RNF175: variants seen among roughly 807,000 people sequenced by gnomAD.
RNF175 encodes ring finger protein 175.
RNF175 carries 38 observed loss-of-function variants against 50.0 expected under a neutral mutation model. The observed-to-expected ratio is 0.76, with a 90% CI of 0.59 to 1.00. RNF175 has a LOEUF of 1.00. Among genes scored for constraint, RNF175 ranks in the 50% least tolerant of loss-of-function variants. RNF175 has a pLI of 0.00. For missense variants in RNF175, 388 were observed against 409.6 expected (o/e 0.95, Z 0.46); for synonymous variants, 155 against 146.1 (o/e 1.06, Z -0.44).
At chr4:153,722,408 A>G (rs1200873649) in intron 5 of RNF175, among the ~76,000 whole-genome samples, 1 of 152,164 alleles carries the variant, frequency 6.6e-6, no homozygotes, top group East Asian at 1.9e-4. Context: ...AACAATAGAT[A>G]TTGACATGTT....
chr4:153,735,348 G>A (rs553153555), intron 3 of RNF175, among the ~76,000 whole-genome samples: 1 of 151,966 alleles, frequency 6.6e-6, no homozygotes, highest in Non-Finnish European at 1.5e-5. Flanking sequence ...TTTGTTTGGG[G>A]GTCTATTTGT....
intron 7 of RNF175, chr4:153,715,276 T>C (rs946133300): frequency 2.5e-5 from 13 of 515,244 alleles, no homozygotes; most frequent in African/African-American, 3.8e-5. Flanking sequence ...GCTCAGATAC[T>C]GCCTTCCTGT....
chr4:153,735,832 T>C (rs1204471216), intron 3 of RNF175, among the ~76,000 whole-genome samples: 1 of 152,252 alleles, frequency 6.6e-6, no homozygotes, highest in Non-Finnish European at 1.5e-5. Context: ...CTTTTGTATA[T>C]TTACTTTGTA....
intron 3 of RNF175, among the ~76,000 whole-genome samples, chr4:153,733,714 ACCT>A: frequency 6.6e-6 from 1 of 152,134 alleles, no homozygotes; most frequent in South Asian, 2.1e-4. Flanking sequence ...GAATCCCCCA[ACCT>A]CCTAAATGAT....
intron 2 of RNF175, among the ~76,000 whole-genome samples, 200 bp from the exon 3 acceptor site, chr4:153,748,986 C>T (rs1740147679): frequency 6.6e-6 from 1 of 152,222 alleles, no homozygotes; most frequent in Non-Finnish European, 1.5e-5. Context: ...TTCCCTAGAT[C>T]TGGAGAAGGA....
At chr4:153,733,831 A>G (rs1739181745) in intron 3 of RNF175, among the ~76,000 whole-genome samples, 1 of 152,176 alleles carries the variant, frequency 6.6e-6, no homozygotes, top group Non-Finnish European at 1.5e-5. Flanking sequence ...ATATTACACA[A>G]ATTAATTTTA....
At position 153,748,539 on chromosome 4, in the gene RNF175, A is replaced by C; in HGVS notation, c.246+106T>G. The stretch of plus-strand genomic sequence containing the variant: ...GGTTGAGAACCACTGACTTAAACCA[A>C]GGCAGTTCCTTCAAAGTGCTAACCA... On this transcript the variant is annotated intron_variant, in intron 3 of 8. Transcript: ENST00000347063. The C allele has an allele frequency of 3.8e-6, 4 of 1,047,352 alleles. No homozygotes were observed. The South Asian group carries it at 8.1e-5, about 21-fold the overall frequency. 64.9% of individuals were successfully genotyped at this position (1,047,352 alleles called of 1,614,324 possible).
In RNF175 at chr4:153,710,166, G is replaced by C. The variant is rs1254075781; in HGVS notation, c.*203C>G. ...ATGAGTTAAGAAACAGCTGTAATGG[G>C]AAAGATGAAAAAACATGCTTTATTT... On this transcript the variant is annotated 3_prime_UTR_variant, in exon 9 of 9. Coordinates refer to ENST00000347063, the MANE Select transcript of RNF175 (RefSeq NM_173662.4). The C allele has an allele frequency of 1.1e-5, 5 of 457,712 alleles. No individual in the cohort carries two copies. Among genetic ancestry groups the C allele is most frequent in the Non-Finnish European group, 1.9e-5 (5 of 257,932 alleles). The allele number at this position is 457,712 out of a possible 1,614,324, so 28.4% of individuals were successfully genotyped here.
rs1413700556 is a variant in RNF175 at position 153,710,223 on chromosome 4, T to G, written c.*146A>C. 8.4e-6 allele frequency: 5 copies of G among 592,062 alleles called. No homozygotes were observed. The highest frequency in any genetic ancestry group is 1.4e-5 in the Non-Finnish European group (5 of 355,188). The allele number at this position is 592,062 out of a possible 1,614,324, so 36.7% of individuals were successfully genotyped here. On this transcript the variant is annotated 3_prime_UTR_variant, in exon 9 of 9. Coordinates refer to ENST00000347063, the MANE Select transcript of RNF175 (RefSeq NM_173662.4). Reference sequence around the variant, plus strand: ...TCCATTGTTCAGCTTCTCTTTAAATTCTTTCCACATGGACAAATTGCTTGA... The same window carrying G: ...TCCATTGTTCAGCTTCTCTTTAAATGCTTTCCACATGGACAAATTGCTTGA...
chr4:153,758,928 C>T (rs1353757260), intron 1 of RNF175, among the ~76,000 whole-genome samples: 1 of 152,196 alleles, frequency 6.6e-6, no homozygotes, highest in East Asian at 1.9e-4. Context: ...CAGGAGCAAG[C>T]CCTTCTCAGA....
At chr4:153,722,126 G>GAGCT (rs1455070714) in intron 5 of RNF175, among the ~76,000 whole-genome samples, 4 of 152,164 alleles carry the variant, frequency 2.6e-5, no homozygotes, top group African/African-American at 9.7e-5. Context: ...TTTGATGTGA[G>GAGCT]AGCTATTCTG....
intron 1 of RNF175, among the ~76,000 whole-genome samples, chr4:153,756,308 C>G (rs1281808841): frequency 6.6e-6 from 1 of 152,228 alleles, no homozygotes; most frequent in Non-Finnish European, 1.5e-5. Flanking sequence ...TTCTGAATGC[C>G]TCCTACATAG....
chr4:153,726,239 G>C (rs1294775193), intron 4 of RNF175, among the ~76,000 whole-genome samples: 1 of 152,034 alleles, frequency 6.6e-6, no homozygotes, highest in Non-Finnish European at 1.5e-5. Context: ...CGAGTAGCTG[G>C]GATTACAAGC....
At chr4:153,759,527 G>C (rs1328230601) in intron 1 of RNF175, among the ~76,000 whole-genome samples, 3 of 152,312 alleles carry the variant, frequency 2.0e-5, no homozygotes, top group African/African-American at 7.2e-5. Context: ...GCGAGAAGAG[G>C]GATGGAGCGA....
rs1413096553 is a variant in RNF175 at position 153,728,379 on chromosome 4, A to G, written c.247-18T>C. 6.2e-7 allele frequency: 1 copy of G among 1,611,482 alleles called. No individual in the cohort carries two copies. Among genetic ancestry groups the G allele is most frequent in the Non-Finnish European group, 8.5e-7 (1 of 1,178,190 alleles). On this transcript the variant is annotated intron_variant, in intron 3 of 8. Coordinates refer to ENST00000347063, the MANE Select transcript of RNF175 (RefSeq NM_173662.4). The stretch of plus-strand genomic sequence containing the variant: ...GTCACCAGCTGTCAGAGAAATGAAC[A>G]GGAAGTATCTTTCAATGACCAAGTG...
intron 3 of RNF175, among the ~76,000 whole-genome samples, chr4:153,733,912 A>G (rs1438119606): frequency 1.3e-5 from 2 of 152,172 alleles, no homozygotes; most frequent in African/African-American, 4.8e-5. Flanking sequence ...TGCTGTCTCT[A>G]TAGTTTTGTG....
Position 153,736,585 on chromosome 4 carries a change from G to C in RNF175, c.247-8224C>G, listed in dbSNP as rs1200322802. 1.3e-5 allele frequency among the ~76,000 whole-genome samples: 2 copies of C among 152,148 alleles called. 1 individual carries two copies. Among genetic ancestry groups the C allele is most frequent in the Non-Finnish European group, 2.9e-5 (2 of 68,022 alleles). ...TTCTGGGAGAGATTGTAGAGAACTG[G>C]TATCATTTCTTCTTTAAATGTTTGG... is the stretch of plus-strand genomic sequence containing the variant. On this transcript the variant is annotated intron_variant, in intron 3 of 8. Coordinates refer to ENST00000347063, the MANE Select transcript of RNF175 (RefSeq NM_173662.4).
chr4:153,716,063 CAAAAAAAAAAAAA>C (rs35531787), intron 6 of RNF175, among the ~76,000 whole-genome samples: 25,290 of 95,500 alleles, frequency 0.26, 2,899 homozygotes, highest in Non-Finnish European at 0.32. Flanking sequence ...GACTCTGTCT[CAAAAAAAAAAAAA>C]AAAAAAAAAA....
intron 1 of RNF175, among the ~76,000 whole-genome samples, chr4:153,758,876 C>G (rs1267080138): frequency 6.6e-6 from 1 of 152,100 alleles, no homozygotes; most frequent in Non-Finnish European, 1.5e-5. Flanking sequence ...ACACCCAGCT[C>G]GAATGCCACG....
Sources: allele counts gnomAD v4.1 joint callset (sites outside exome capture counted in the v4.1 genomes callset), GRCh38; gene constraint gnomAD v4.1.1; transcripts MANE v1.5; gene names NCBI Gene and HGNC (gene_info 2026-07-23, HGNC 2026-07-21).